SCARA5: variants seen among roughly 807,000 people sequenced by gnomAD.
The protein encoded by SCARA5 is scavenger receptor class A, member 5 (putative).
SCARA5 carries 45 observed loss-of-function variants against 46.3 expected under a neutral mutation model. The observed-to-expected ratio is 0.97, with a 90% CI of 0.76 to 1.24. The LOEUF (loss-of-function observed/expected upper bound fraction) is 1.24. SCARA5 is among the 50% of genes most tolerant of loss of function. The probability of loss-of-function intolerance (pLI) is 0.00; values close to 1 mark genes in which losing one functional copy is unlikely to be tolerated. For synonymous variants in SCARA5, 333 were observed against 306.5 expected (o/e 1.09, Z -0.90); for missense variants, 680 against 689.0 (o/e 0.99, Z 0.15).
At chr8:27,917,606 A>G (rs374020050) in intron 4 of SCARA5, among the ~76,000 whole-genome samples, 104 of 152,314 alleles carry the variant, frequency 6.8e-4, no homozygotes, top group Middle Eastern at 3.4e-3. Flanking sequence ...ACGGCCTGCC[A>G]GTTGTCTAAG....
Position 27,909,743 on chromosome 8 carries a change from C to A in SCARA5, c.917G>T (p.Gly306Val), listed in dbSNP as rs1374588125. ...CTGATCACCTTTGGGTCCCGGTGGCCCTGGAAAGGCAAAAACAGCACTGAG... is the reference window on the plus strand; with the variant it reads ...CTGATCACCTTTGGGTCCCGGTGGCACTGGAAAGGCAAAAACAGCACTGAG... The part of the protein sequence containing the change: ...IALRNISLAK[G>V]PPGPKGDQGD... Residue 306 changes from glycine to valine, a missense_variant and splice_region_variant, in exon 5 of 9, where the codon GGG becomes GTG. Physicochemically the swap from Gly to Val is moderately radical, Grantham distance 109. Around this residue, in one of 3 missense-constraint regions of SCARA5, gnomAD observed 438 missense variants for 384.5 expected, o/e 1.14. Transcript: ENST00000354914. The A allele has an allele frequency of 6.4e-7, 1 of 1,550,556 alleles. No homozygotes were observed. Among genetic ancestry groups the A allele is most frequent in the South Asian group, 1.2e-5 (1 of 83,906 alleles).
intron 7 of SCARA5, among the ~76,000 whole-genome samples, chr8:27,897,518 G>A (rs56925916): frequency 0.086 from 13,064 of 152,248 alleles, 955 homozygotes; most frequent in East Asian, 0.2. Context: ...GTTCACCTTC[G>A]TCTGATGTGG....
At chr8:27,977,683 G>A (rs1033412141) in intron 2 of SCARA5, among the ~76,000 whole-genome samples, 5 of 152,206 alleles carry the variant, frequency 3.3e-5, no homozygotes, top group African/African-American at 1.2e-4. Context: ...ACTTGACACT[G>A]CACCTCCCGG....
Position 27,930,872 on chromosome 8 carries a change from C to T in SCARA5, c.242-8627G>A, listed in dbSNP as rs562277466. Among the ~76,000 whole-genome samples, 5 of 152,094 alleles carry T rather than the reference C, an allele frequency of 3.3e-5. No homozygotes were observed. The East Asian group carries it at 5.8e-4, about 18-fold the overall frequency. ...CTGCCTTCTCTTTAGGCTAATGACA[C>T]GGAAAGAAGGAAGGAAGGTGAGTAT... On this transcript the variant is annotated intron_variant, in intron 3 of 8. Transcript: ENST00000354914.
intron 3 of SCARA5, among the ~76,000 whole-genome samples, chr8:27,940,412 T>G (rs1009908880): frequency 6.6e-6 from 1 of 152,122 alleles, no homozygotes; most frequent in Admixed American, 6.5e-5. Flanking sequence ...GAGCCAAAAG[T>G]GACCTTAATA....
chr8:27,902,100 G>T (rs1405481675), intron 7 of SCARA5, among the ~76,000 whole-genome samples: 1 of 152,184 alleles, frequency 6.6e-6, no homozygotes, highest in Non-Finnish European at 1.5e-5. Context: ...GAGACTACTG[G>T]GGGTGGGGGT....
intron 3 of SCARA5, among the ~76,000 whole-genome samples, chr8:27,930,489 G>A (rs1051011264): frequency 2.6e-5 from 4 of 151,574 alleles, no homozygotes; most frequent in East Asian, 1.9e-4. Flanking sequence ...AGCAACCTCC[G>A]CCTCCTGGGT....
At position 27,984,744 on chromosome 8, in the gene SCARA5, C is replaced by A. The variant is rs116420222; in HGVS notation, c.112+2760G>T. ...TCCATCTATCCATTCATTATTCATC[C>A]ATTTATTCATTCATTCACATATCCA... On this transcript the variant is annotated intron_variant, in intron 2 of 8. Transcript: ENST00000354914. Among the ~76,000 whole-genome samples, 92 of 152,186 alleles carry A rather than the reference C, an allele frequency of 6.0e-4. No individual in the cohort carries two copies. The Middle Eastern group carries it at 0.01, about 17-fold the overall frequency.
intron 3 of SCARA5, among the ~76,000 whole-genome samples, chr8:27,948,052 G>A (rs1219335239): frequency 6.6e-6 from 1 of 152,226 alleles, no homozygotes; most frequent in East Asian, 1.9e-4. Flanking sequence ...GTGGGTGGTG[G>A]CGATGGTTGC....
rs983913569 is a variant in SCARA5 at position 27,955,024 on chromosome 8, G to T, written c.241+11390C>A. On this transcript the variant is annotated intron_variant, in intron 3 of 8. Transcript: ENST00000354914. ...CCATCCAGCGGAACTCAGCATGGTG[G>T]GGGCTCTGTAGGATCCACCACTTCC... is the stretch of plus-strand genomic sequence containing the variant. Among the ~76,000 whole-genome samples, 68 of 152,190 alleles carry T rather than the reference G, an allele frequency of 4.5e-4. 1 individual carries two copies. Among genetic ancestry groups the T allele is most frequent in the African/African-American group, 1.6e-3 (68 of 41,448 alleles).
rs1481754931 is a variant in SCARA5, at chr8:27,871,401, T to C, written c.*533A>G. On this transcript the variant is annotated 3_prime_UTR_variant, in exon 9 of 9. Transcript: ENST00000354914. ...ACAGCTGGCTTCTCCTCTATGTCAC[T>C]TCCTCAAACTAGCAAATGGGGAGCA... The C allele has an allele frequency of 4.1e-6, 4 of 986,556 alleles. No homozygotes were observed. The Admixed American group carries it at 1.8e-4, about 44-fold the overall frequency. 61.1% of individuals were successfully genotyped at this position (986,556 alleles called of 1,614,324 possible).
chr8:27,916,017 C>T (rs1203955079), intron 4 of SCARA5, among the ~76,000 whole-genome samples: 1 of 152,156 alleles, frequency 6.6e-6, no homozygotes, highest in African/African-American at 2.4e-5. Flanking sequence ...CTGTGATGAT[C>T]TAAGTTCTCT....
intron 2 of SCARA5, 110 bp from the exon 3 acceptor site, chr8:27,966,652 A>C: frequency 8.5e-7 from 1 of 1,173,348 alleles, no homozygotes; most frequent in South Asian, 1.7e-5. Flanking sequence ...TTCATGTTGA[A>C]CTTCTCACAT....
At chr8:27,877,819 T>C (rs1405664255) in intron 8 of SCARA5, among the ~76,000 whole-genome samples, 1 of 152,136 alleles carries the variant, frequency 6.6e-6, no homozygotes, top group Non-Finnish European at 1.5e-5. Context: ...GCCAGCTGGC[T>C]CGACAGATTT....
intron 2 of SCARA5, among the ~76,000 whole-genome samples, chr8:27,967,466 G>A (rs2726936): frequency 0.54 from 81,449 of 151,570 alleles, 22,060 homozygotes; most frequent in South Asian, 0.66. Flanking sequence ...GGAAAGAAGG[G>A]ATCCTCTCCC....
At chr8:27,952,371 G>T (rs911959706) in intron 3 of SCARA5, among the ~76,000 whole-genome samples, 5 of 152,036 alleles carry the variant, frequency 3.3e-5, no homozygotes, top group Admixed American at 2.6e-4. Context: ...GACACAGCTG[G>T]GTGGTTGTTT....
At chr8:27,957,323 G>A (rs979087401) in intron 3 of SCARA5, among the ~76,000 whole-genome samples, 12 of 152,128 alleles carry the variant, frequency 7.9e-5, no homozygotes, top group East Asian at 3.8e-4. Context: ...ACTTACACCC[G>A]GTTATAAATC....
chr8:27,949,805 G>A (rs1360578371), intron 3 of SCARA5, among the ~76,000 whole-genome samples: 1 of 152,196 alleles, frequency 6.6e-6, no homozygotes, highest in Non-Finnish European at 1.5e-5. Flanking sequence ...GTGCAGAAGG[G>A]GCCAGGGACA....
chr8:27,982,805 G>A (rs1426005656), intron 2 of SCARA5, among the ~76,000 whole-genome samples: 1 of 152,176 alleles, frequency 6.6e-6, no homozygotes, highest in Non-Finnish European at 1.5e-5. Flanking sequence ...AGGGGACAGA[G>A]AACCAAGGCA....
Sources: allele counts gnomAD v4.1 joint callset (sites outside exome capture counted in the v4.1 genomes callset), GRCh38; gene constraint gnomAD v4.1.1; regional missense constraint gnomAD v4.1.1; transcripts MANE v1.5; gene names NCBI Gene and HGNC (gene_info 2026-07-23, HGNC 2026-07-21).